The following STARD9 variants were observed in gnomAD, a reference collection of about 807,000 sequenced individuals.
STARD9 encodes StAR related lipid transfer domain containing 9.
STARD9 carries 346 observed loss-of-function variants against 399.8 expected under a neutral mutation model. That is an observed-to-expected ratio of 0.87 (90% CI 0.79 to 0.95). STARD9 has a LOEUF of 0.95. Among genes scored for constraint, STARD9 ranks in the 40% least tolerant of loss-of-function variants. STARD9 has a pLI of 0.00. For synonymous variants in STARD9, 2,203 were observed against 2,143.5 expected, an observed-to-expected ratio of 1.03 and a Z score of -0.77; for missense variants, 5,832 against 5,667.5, an observed-to-expected ratio of 1.03 and a Z score of -0.93.
At chr15:42,586,188 C>T (rs1318061271) in intron 3 of STARD9, among the ~76,000 whole-genome samples, 1 of 152,166 alleles carries the variant, frequency 6.6e-6, no homozygotes, top group East Asian at 1.9e-4. Context: ...AGGTGAACAG[C>T]CATGTGCACA....
At chr15:42,705,136 T>G (rs148819082) in intron 26 of STARD9, among the ~76,000 whole-genome samples, 3 of 152,328 alleles carry the variant, frequency 2.0e-5, no homozygotes, top group African/African-American at 7.2e-5. Context: ...AGTACTGGGC[T>G]CTAAGGCAAA....
intron 20 of STARD9, among the ~76,000 whole-genome samples, chr15:42,681,069 AC>A (rs2060417170): frequency 6.6e-6 from 1 of 152,152 alleles, no homozygotes; most frequent in Non-Finnish European, 1.5e-5. Flanking sequence ...TTTAGCAGAC[AC>A]CTTTTTGTTC....
At chr15:42,653,153 G>T (rs981893680) in intron 9 of STARD9, among the ~76,000 whole-genome samples, 4 of 152,110 alleles carry the variant, frequency 2.6e-5, no homozygotes, top group African/African-American at 7.2e-5. Flanking sequence ...ATTTTAAAAC[G>T]CTTTCACATC....
Position 42,652,866 on chromosome 15 carries a change from C to T in STARD9, c.702+274C>T, listed in dbSNP as rs533755657. Among the ~76,000 whole-genome samples the T allele has an allele frequency of 1.2e-4, 19 of 152,134 alleles. No homozygotes were observed. The East Asian group carries it at 2.3e-3, about 19-fold the overall frequency. ...ATTATTTTTTAATTTTTAGTAAAGA[C>T]GGGGTTTCACCATGTTGGCCAGACT... On this transcript the variant is annotated intron_variant, in intron 9 of 32. Coordinates refer to ENST00000290607, the MANE Select transcript of STARD9 (RefSeq NM_020759.3).
chr15:42,586,825 C>T (rs1408800848), intron 3 of STARD9, among the ~76,000 whole-genome samples: 2 of 150,970 alleles, frequency 1.3e-5, no homozygotes, highest in African/African-American at 2.4e-5. Context: ...ACAAATATTT[C>T]AGTCTTTCAT....
chr15:42,686,096 C>A lies in STARD9; in HGVS notation c.4518C>A (p.Pro1506=). Residue 1506 remains proline, a synonymous_variant, in exon 23 of 33, where the codon CCC becomes CCA. Transcript: ENST00000290607. ...CTGTTTTGGAGGCCATAGGAGCACC[C>A]AAGCCAGCTTACCCCTACCTTGAGG... ...SCPVLEAIGA[P]KPAYPYLEED... 6.5e-7 allele frequency: 1 copy of A among 1,537,228 alleles called. No homozygotes were observed. The highest frequency in any genetic ancestry group is 8.7e-7 in the Non-Finnish European group (1 of 1,146,892).
intron 3 of STARD9, among the ~76,000 whole-genome samples, chr15:42,615,870 T>C (rs371495906): frequency 6.6e-6 from 1 of 152,160 alleles, no homozygotes; most frequent in East Asian, 1.9e-4. Context: ...GTCCATGATA[T>C]GTGATAAAAA....
chr15:42,718,516 TG>T lies in STARD9; in HGVS notation c.13842+3del. On this transcript the variant is annotated splice_donor_region_variant and intron_variant, in intron 31 of 32. Coordinates refer to ENST00000290607, the MANE Select transcript of STARD9 (RefSeq NM_020759.3). Reference sequence around the variant, plus strand: ...TGTGTCTGCGTGGAAGCCAAAGAGGTGCCTGCCTTGGTGGTAAAGATGTTGT... The same window carrying T: ...TGTGTCTGCGTGGAAGCCAAAGAGGTCCTGCCTTGGTGGTAAAGATGTTGT... 1 of 1,536,870 alleles carries T rather than the reference TG, an allele frequency of 6.5e-7. No individual in the cohort carries two copies. Among genetic ancestry groups the T allele is most frequent in the African/African-American group, 1.4e-5 (1 of 73,118 alleles).
At chr15:42,618,940 C>G (rs2059029485) in intron 3 of STARD9, among the ~76,000 whole-genome samples, 1 of 152,056 alleles carries the variant, frequency 6.6e-6, no homozygotes, top group Non-Finnish European at 1.5e-5. Context: ...CTTTTCCTAT[C>G]TTAATCTGGC....
In STARD9 at chr15:42,620,491, A is replaced by T. The variant is rs78617381; in HGVS notation, c.235-14365A>T. Among the ~76,000 whole-genome samples, 284 of 151,942 alleles carry T rather than the reference A, an allele frequency of 1.9e-3. 5 individuals carry two copies. The East Asian group carries it at 0.033, about 17-fold the overall frequency. ...GTGAGACCTGTCTCAAAAAAAAAAA[A>T]TTTTCAGGAAATTAAAGTGTTAATT... On this transcript the variant is annotated intron_variant, in intron 3 of 32. Transcript: ENST00000290607.
At position 42,686,134 on chromosome 15, in the gene STARD9, C is replaced by A; in HGVS notation, c.4556C>A (p.Ser1519Tyr). Residue 1519 changes from serine (S) to tyrosine (Y), a missense_variant, in exon 23 of 33, where the codon TCC (serine) becomes TAC (tyrosine). Transcript: ENST00000290607. ...CCCTACCTTGAGGAAGACTCTGGTT[C>A]CCTGGCCCAAGCTTCTAGCAAAGGA... ...AYPYLEEDSG[S>Y]LAQASSKGGD... 1 of 1,537,254 alleles carries A rather than the reference C, an allele frequency of 6.5e-7. No homozygotes were observed. Among genetic ancestry groups the A allele is most frequent in the Non-Finnish European group, 8.7e-7 (1 of 1,146,912 alleles).
At position 42,687,636 on chromosome 15, in the gene STARD9, T is replaced by A. The variant is rs1209496673; in HGVS notation, c.6058T>A (p.Cys2020Ser). 1.3e-6 allele frequency: 2 copies of A among 1,536,966 alleles called. No homozygotes were observed. The highest frequency in any genetic ancestry group is 1.7e-6 in the Non-Finnish European group (2 of 1,146,912). Reference sequence around the variant, plus strand: ...CCCTCAGGAAAGAAACCCCAGTGAATGCAAGTCACAAGAAATGTTAAATCC... The same window carrying A: ...CCCTCAGGAAAGAAACCCCAGTGAAAGCAAGTCACAAGAAATGTTAAATCC... ...ACPQERNPSE[C>S]KSQEMLNPNR... The change falls in exon 23 of 33, where the codon TGC (cysteine) becomes AGC (serine). Residue 2020 changes from cysteine (C) to serine (S), a missense_variant. Cys to Ser is a moderately radical substitution (Grantham distance 112). Around this residue, in one of 2 missense-constraint regions of STARD9, gnomAD observed 5,828 missense variants for 5,651.1 expected, o/e 1.03. Transcript: ENST00000290607.
chr15:42,697,556 A>G (rs1419575731), intron 26 of STARD9, among the ~76,000 whole-genome samples: 3 of 152,210 alleles, frequency 2.0e-5, no homozygotes, highest in Non-Finnish European at 2.9e-5. Flanking sequence ...CAGAAATTCA[A>G]AATACTCCAA....
Position 42,684,364 on chromosome 15 carries a change from T to C in STARD9, c.2786T>C (p.Val929Ala). ...DACLTMSPNSVGIQEMEMGVK... is the reference protein window; with the variant it reads ...DACLTMSPNSAGIQEMEMGVK... The stretch of plus-strand genomic sequence containing the variant: ...TGCCTCACCATGAGTCCCAACTCTG[T>C]TGGCATCCAGGAAATGGAGATGGGG... Residue 929 changes from valine to alanine, a missense_variant, in exon 23 of 33, where the codon GTT becomes GCT. Coordinates refer to ENST00000290607, the MANE Select transcript of STARD9 (RefSeq NM_020759.3). 2 of 1,536,948 alleles carry C rather than the reference T, an allele frequency of 1.3e-6. No individual in the cohort carries two copies. Among genetic ancestry groups the C allele is most frequent in the Non-Finnish European group, 8.7e-7 (1 of 1,146,788 alleles).
chr15:42,693,441 A>C lies in STARD9; in HGVS notation c.11863A>C (p.Thr3955Pro). Reference sequence around the variant, plus strand: ...TCCAATGGATAATTATTCCCAAACCACTGACGAGTTAGGTGGCTCCCAGAG... The same window carrying C: ...TCCAATGGATAATTATTCCCAAACCCCTGACGAGTTAGGTGGCTCCCAGAG... ...RTPMDNYSQT[T>P]DELGGSQRGR... The change falls in exon 23 of 33, where the codon ACT becomes CCT. Residue 3955 changes from threonine to proline, a missense_variant. Coordinates refer to ENST00000290607, the MANE Select transcript of STARD9 (RefSeq NM_020759.3). 6.5e-7 allele frequency: 1 copy of C among 1,537,090 alleles called. No individual in the cohort carries two copies. The highest frequency in any genetic ancestry group is 8.7e-7 in the Non-Finnish European group (1 of 1,146,854).
Position 42,695,233 on chromosome 15 carries a change from G to A in STARD9, c.13056G>A (p.Val4352=). ...AGCAGGCCCATGAGGAGGCCAAGGT[G>A]GAGATTGCCCGGGCCCGAGACCAAC... ...DYQQAHEEAK[V]EIARARDQLR... The change falls in exon 25 of 33, where the codon GTG becomes GTA. Residue 4352 remains valine, a synonymous_variant. Transcript: ENST00000290607. 4.6e-6 allele frequency: 7 copies of A among 1,537,214 alleles called. No individual in the cohort carries two copies. Among genetic ancestry groups the A allele is most frequent in the Non-Finnish European group, 6.1e-6 (7 of 1,146,882 alleles).
rs2060758273 is a variant in STARD9, at chr15:42,693,269, C to T, written c.11691C>T (p.Ala3897=). The part of the protein sequence containing the change: ...GPTSALFVDR[A]SSPILTLSAS... ...CAAGTGCTTTGTTCGTGGACAGGGC[C>T]TCCTCCCCAATCCTCACTCTTAGTG... The change falls in exon 23 of 33, where the codon GCC becomes GCT. Residue 3897 remains alanine, a synonymous_variant. Transcript: ENST00000290607. 6.5e-7 allele frequency: 1 copy of T among 1,537,096 alleles called. No homozygotes were observed. Among genetic ancestry groups the T allele is most frequent in the Non-Finnish European group, 8.7e-7 (1 of 1,146,886 alleles).
chr15:42,687,489 A>G lies in STARD9; in HGVS notation c.5911A>G (p.Lys1971Glu), dbSNP rs1297213317. 1 of 1,537,124 alleles carries G rather than the reference A, an allele frequency of 6.5e-7. No individual in the cohort carries two copies. Among genetic ancestry groups the G allele is most frequent in the Non-Finnish European group, 8.7e-7 (1 of 1,146,886 alleles). The change falls in exon 23 of 33, where the codon AAG becomes GAG. Residue 1971 changes from lysine (K) to glutamate (E), a missense_variant. By Grantham distance (56) the Lys-to-Glu change is moderately conservative. This residue lies in a region of STARD9 where 5,828 missense variants were observed against 5,651.1 expected (regional missense o/e 1.03). Transcript: ENST00000290607. Reference protein sequence around the residue: ...MVAQGGGPTPKWEGKNETGLL... With the variant: ...MVAQGGGPTPEWEGKNETGLL... ...GGCCCAGGGTGGTGGCCCAACCCCT[A>G]AGTGGGAAGGGAAAAATGAAACTGG...
At chr15:42,638,115 A>T in intron 6 of STARD9, 28 bp downstream of exon 6, 1 of 1,527,050 alleles carries the variant, frequency 6.5e-7, no homozygotes. Flanking sequence ...TCTGGGACCT[A>T]CAGTAGTTCT....
Sources: gnomAD v4.1 joint callset for allele counts (sites outside exome capture counted in the v4.1 genomes callset) on GRCh38, gnomAD v4.1.1 for gene constraint, gnomAD v4.1.1 regional missense constraint, MANE v1.5 for transcripts, NCBI Gene and HGNC (gene_info 2026-07-23, HGNC 2026-07-21) for gene names.